Variants in ITPR2 observed in about 807,000 individuals in gnomAD.
The protein encoded by ITPR2 is inositol 1,4,5-trisphosphate-gated calcium channel ITPR2.
A neutral mutation model predicts 317.1 loss-of-function variants in ITPR2; 207 were observed. That is an observed-to-expected ratio of 0.65 (90% CI 0.58 to 0.73). The LOEUF is 0.73. Ranked by LOEUF, ITPR2 falls within the 30% of genes least tolerant of loss-of-function variation. The pLI is 0.00. For synonymous variants in ITPR2, 1,156 were observed against 1,149.1 expected (o/e 1.01, Z -0.12); for missense variants, 2,613 against 3,284.0 (o/e 0.80, Z 4.99).
At chr12:26,558,049 A>C (rs1286836997) in intron 35 of ITPR2, among the ~76,000 whole-genome samples, 3 of 152,204 alleles carry the variant, frequency 2.0e-5, no homozygotes, top group African/African-American at 7.2e-5. Context: ...CTTTCTGAAA[A>C]AGTGATCATT....
At chr12:26,565,462 A>T (rs937085008) in intron 34 of ITPR2, among the ~76,000 whole-genome samples, 1 of 151,016 alleles carries the variant, frequency 6.6e-6, no homozygotes, top group Admixed American at 6.6e-5. Flanking sequence ...ATAAAAAAAA[A>T]TTGGATGAAT....
At chr12:26,721,199 A>G (rs79501431) in intron 5 of ITPR2, 18,262 of 424,720 alleles carry the variant, frequency 0.043, 447 homozygotes, top group African/African-American at 0.089. Flanking sequence ...AAGAAAAAAA[A>G]GTAGGGTTTT....
At chr12:26,810,300 T>A (rs1592151059) in intron 1 of ITPR2, among the ~76,000 whole-genome samples, 2 of 152,346 alleles carry the variant, frequency 1.3e-5, no homozygotes, top group Middle Eastern at 3.4e-3. Flanking sequence ...ATAGCTTTTT[T>A]TTCATAGTGT....
At chr12:26,352,456 G>A (rs926120980) in intron 55 of ITPR2, among the ~76,000 whole-genome samples, 1 of 152,176 alleles carries the variant, frequency 6.6e-6, no homozygotes, top group African/African-American at 2.4e-5. Context: ...GCTTTCCTCT[G>A]AATGTTGTAA....
intron 43 of ITPR2, among the ~76,000 whole-genome samples, chr12:26,479,014 C>A (rs1942482150): frequency 6.6e-6 from 1 of 151,232 alleles, no homozygotes; most frequent in Admixed American, 6.6e-5. Context: ...ATTTAAAGTA[C>A]CCTATGCAAG....
At chr12:26,656,187 A>C in intron 19 of ITPR2, 110 bp downstream of exon 19, 3 of 1,377,884 alleles carry the variant, frequency 2.2e-6, no homozygotes, top group Non-Finnish European at 3.0e-6. Context: ...TAACAACCCA[A>C]GACAGGATAC....
chr12:26,486,413 TA>T (rs36049222), intron 40 of ITPR2, 53 bp from the exon 41 acceptor site: 5,491 of 966,550 alleles, frequency 5.7e-3, no homozygotes, highest in African/African-American at 0.013. Context: ...TTTTACTAAT[TA>T]AAAAAAAAAA....
intron 9 of ITPR2, among the ~76,000 whole-genome samples, chr12:26,706,080 C>T (rs995021680): frequency 2.0e-5 from 3 of 152,216 alleles, no homozygotes; most frequent in South Asian, 4.1e-4. Context: ...CTTCTAGTCA[C>T]TTCACCAAGG....
chr12:26,629,878 G>A (rs1339151627), intron 22 of ITPR2, among the ~76,000 whole-genome samples: 2 of 152,194 alleles, frequency 1.3e-5, no homozygotes, highest in Non-Finnish European at 1.5e-5. Flanking sequence ...AGGCATTGAG[G>A]AAGGCACTAA....
intron 32 of ITPR2, among the ~76,000 whole-genome samples, chr12:26,584,292 G>A (rs779846679): frequency 1.3e-5 from 2 of 152,132 alleles, no homozygotes; most frequent in Non-Finnish European, 2.9e-5. Flanking sequence ...AGCCATCAAC[G>A]TTTCTGTGGG....
chr12:26,766,971 A>G (rs780270567), intron 2 of ITPR2, among the ~76,000 whole-genome samples: 3 of 152,190 alleles, frequency 2.0e-5, no homozygotes, highest in Non-Finnish European at 4.4e-5. Context: ...GTATATATAT[A>G]ATACATCATA....
chr12:26,737,256 C>A (rs968205284), intron 2 of ITPR2, among the ~76,000 whole-genome samples: 1 of 149,716 alleles, frequency 6.7e-6, no homozygotes, highest in Non-Finnish European at 1.5e-5. Context: ...CTTTTCGTTT[C>A]TTTCTTTCTT....
intron 13 of ITPR2, among the ~76,000 whole-genome samples, chr12:26,672,508 C>A (rs1947802963): frequency 6.6e-6 from 1 of 150,958 alleles, no homozygotes; most frequent in Non-Finnish European, 1.5e-5. Flanking sequence ...CCAACGAGAA[C>A]AAAGACACAA....
At chr12:26,422,098 T>G (rs910216972) in intron 49 of ITPR2, among the ~76,000 whole-genome samples, 3 of 150,706 alleles carry the variant, frequency 2.0e-5, no homozygotes, top group African/African-American at 7.3e-5. Flanking sequence ...ATTTATGAAA[T>G]TATTACTAAT....
At chr12:26,567,152 C>CA (rs1433317171) in intron 34 of ITPR2, among the ~76,000 whole-genome samples, 1 of 152,190 alleles carries the variant, frequency 6.6e-6, no homozygotes, top group Non-Finnish European at 1.5e-5. Context: ...AATTGACCAT[C>CA]AAATAAGTGT....
chr12:26,734,723 C>T (rs2137069211), intron 2 of ITPR2, among the ~76,000 whole-genome samples: 1 of 151,828 alleles, frequency 6.6e-6, no homozygotes, highest in Non-Finnish European at 1.5e-5. Flanking sequence ...TGTTCATTGT[C>T]CTGGTACTGA....
intron 44 of ITPR2, among the ~76,000 whole-genome samples, chr12:26,476,346 C>T (rs1942416509): frequency 6.6e-6 from 1 of 152,126 alleles, no homozygotes; most frequent in Non-Finnish European, 1.5e-5. Context: ...TTTTAAAATA[C>T]ACCTGCATTA....
At chr12:26,689,662 C>T (rs764449205) in intron 10 of ITPR2, among the ~76,000 whole-genome samples, 8 of 152,252 alleles carry the variant, frequency 5.3e-5, no homozygotes, top group Non-Finnish European at 1.0e-4. Context: ...ACACTGCTGT[C>T]CAACTGCAAA....
At chr12:26,348,539 C>T (rs1374261456) in intron 55 of ITPR2, among the ~76,000 whole-genome samples, 1 of 152,202 alleles carries the variant, frequency 6.6e-6, no homozygotes, top group Admixed American at 6.5e-5. Context: ...ACAACTACTG[C>T]TCAAGGTGGG....
Sources: gnomAD v4.1 joint callset for allele counts (sites outside exome capture counted in the v4.1 genomes callset) on GRCh38, gnomAD v4.1.1 for gene constraint, MANE v1.5 for transcripts, NCBI Gene and HGNC (gene_info 2026-07-23, HGNC 2026-07-21) for gene names.